TTC7B: variants seen among roughly 807,000 people sequenced by gnomAD.
The protein encoded by TTC7B is tetratricopeptide repeat domain 7B, also known as tetratricopeptide repeat protein 7B.
Under a neutral mutation model 106.8 loss-of-function variants are expected in TTC7B, and 28 were observed. That is an observed-to-expected ratio of 0.26 (90% confidence interval 0.19 to 0.36). TTC7B has a LOEUF of 0.36. Ranked by LOEUF, TTC7B falls within the 10% of genes least tolerant of loss-of-function variation. TTC7B has a pLI of 1.00. For synonymous variants in TTC7B, 405 were observed against 430.6 expected (o/e 0.94, Z 0.74); for missense variants, 862 against 1,076.4 (o/e 0.80, Z 2.79).
At chr14:90,638,323 C>T (rs1235509795) in intron 15 of TTC7B, among the ~76,000 whole-genome samples, 3 of 152,050 alleles carry the variant, frequency 2.0e-5, no homozygotes, top group African/African-American at 7.3e-5. Context: ...GAAAAAAAGT[C>T]ATTATGTATG....
chr14:90,794,664 A>G (rs1891713602), intron 1 of TTC7B, among the ~76,000 whole-genome samples: 1 of 152,146 alleles, frequency 6.6e-6, no homozygotes, highest in African/African-American at 2.4e-5. Flanking sequence ...TGAGCAGGGA[A>G]GTTACAATCT....
chr14:90,626,849 A>G (rs924301323), intron 15 of TTC7B, among the ~76,000 whole-genome samples: 5 of 152,150 alleles, frequency 3.3e-5, no homozygotes, highest in African/African-American at 1.2e-4. Flanking sequence ...AAGAGCATGG[A>G]TGACTCCTCT....
intron 6 of TTC7B, among the ~76,000 whole-genome samples, chr14:90,695,095 A>G (rs1887675180): frequency 7.3e-6 from 1 of 137,914 alleles, no homozygotes; most frequent in Non-Finnish European, 1.5e-5. Context: ...ATTATAAAAT[A>G]TATTTTATTT....
chr14:90,609,232 G>A (rs1196431653), intron 17 of TTC7B, among the ~76,000 whole-genome samples: 1 of 152,194 alleles, frequency 6.6e-6, no homozygotes, highest in African/African-American at 2.4e-5. Flanking sequence ...CCACTCCAGG[G>A]GGTGAGTTTC....
At chr14:90,754,647 G>A (rs576531720) in intron 3 of TTC7B, among the ~76,000 whole-genome samples, 2 of 152,134 alleles carry the variant, frequency 1.3e-5, no homozygotes, top group Non-Finnish European at 2.9e-5. Context: ...GGTGGTTTTA[G>A]TATGTTCACA....
chr14:90,660,417 A>AAAAAG (rs568271088), intron 9 of TTC7B, among the ~76,000 whole-genome samples: 2,670 of 119,202 alleles, frequency 0.022, 79 homozygotes, highest in African/African-American at 0.039. Context: ...AAAAAAAAAA[A>AAAAAG]AAAAGAAAAG....
chr14:90,797,509 C>A (rs751319285), intron 1 of TTC7B, among the ~76,000 whole-genome samples: 1 of 151,408 alleles, frequency 6.6e-6, no homozygotes, highest in Non-Finnish European at 1.5e-5. Flanking sequence ...TCCTCGTTTA[C>A]TGGGCTTCCT....
rs1892370897 is a variant in TTC7B at position 90,600,248 on chromosome 14, A to T, written c.1967-6622T>A. On this transcript the variant is annotated intron_variant, in intron 17 of 19. Transcript: ENST00000328459. The surrounding 1 kb of genome is among the most constrained non-coding windows in gnomAD (Gnocchi z 4.3). ...GTGCCCGGGAGTTAGGACAATTCCC[A>T]TCTTTGCTGTAGGGTAGTCCTGCTT... Among the ~76,000 whole-genome samples the T allele has an allele frequency of 6.6e-6, 1 of 152,146 alleles. No individual in the cohort carries two copies. The highest frequency in any genetic ancestry group is 6.5e-5 in the Admixed American group (1 of 15,270).
intron 1 of TTC7B, among the ~76,000 whole-genome samples, chr14:90,801,262 C>T (rs1051520790): frequency 7.3e-5 from 11 of 151,124 alleles, no homozygotes; most frequent in Non-Finnish European, 1.3e-4. Flanking sequence ...TATGCAGTGC[C>T]GGCAGCCTCT....
At chr14:90,778,859 G>C (rs1220953587) in intron 3 of TTC7B, among the ~76,000 whole-genome samples, 1 of 152,162 alleles carries the variant, frequency 6.6e-6, no homozygotes, top group Non-Finnish European at 1.5e-5. Flanking sequence ...AGTACTCAAG[G>C]GTCCCCAGGG....
rs771825633 is a variant in TTC7B, at chr14:90,528,288, C to T, written c.*13080G>A. 1.3e-5 allele frequency: 2 copies of T among 152,220 alleles called. No homozygotes were observed. Among genetic ancestry groups the T allele is most frequent in the African/African-American group, 2.4e-5 (1 of 41,448 alleles). The allele number at this position is 152,220 out of a possible 1,614,324, so 9.4% of individuals were successfully genotyped here. On this transcript the variant is annotated 3_prime_UTR_variant, in exon 20 of 20. Coordinates refer to ENST00000328459, the MANE Select transcript of TTC7B (RefSeq NM_001010854.2). ...TGGGTTTCAGTGGCTACAGACAACC[C>T]TCCAAATGGTCAGTTAAGAACCAGG...
rs566340851 is a variant in TTC7B, at chr14:90,732,061, G to A, written c.577-1865C>T. 9.9e-5 allele frequency among the ~76,000 whole-genome samples: 15 copies of A among 151,990 alleles called. No homozygotes were observed. In the South Asian group the frequency reaches 1.7e-3, roughly 17 times the overall value. ...TAACCACAGTTAACATTTATTGAAC[G>A]ACAATCCAGATATCTTTGTGGACAC... is the stretch of plus-strand genomic sequence containing the variant. On this transcript the variant is annotated intron_variant, in intron 4 of 19. Transcript: ENST00000328459.
chr14:90,728,282 G>C (rs1303233864), intron 5 of TTC7B, among the ~76,000 whole-genome samples: 1 of 132,136 alleles, frequency 7.6e-6, no homozygotes, highest in Non-Finnish European at 1.5e-5. Context: ...CAGATCCCTT[G>C]AGCTCAGGAG....
At chr14:90,607,162 G>T (rs749931584) in intron 17 of TTC7B, among the ~76,000 whole-genome samples, 9 of 152,078 alleles carry the variant, frequency 5.9e-5, no homozygotes, top group Non-Finnish European at 1.2e-4. Context: ...TTCCATAATA[G>T]AAATTAAAAA....
chr14:90,783,370 C>T (rs776250891), intron 2 of TTC7B, among the ~76,000 whole-genome samples: 16 of 152,106 alleles, frequency 1.1e-4, no homozygotes, highest in East Asian at 1.9e-4. Context: ...AAAAGATGTA[C>T]GGCTTTGGAA....
chr14:90,732,429 G>A (rs1889362080), intron 4 of TTC7B, among the ~76,000 whole-genome samples: 1 of 152,242 alleles, frequency 6.6e-6, no homozygotes, highest in African/African-American at 2.4e-5. Flanking sequence ...CCAAGCTGGA[G>A]GGCAGTGGCA....
chr14:90,756,372 C>CTTTTTTTTTTGT (rs1890294084), intron 3 of TTC7B, among the ~76,000 whole-genome samples: 1 of 139,756 alleles, frequency 7.2e-6, no homozygotes. Flanking sequence ...TTATTTTCTT[C>CTTTTTTTTTTGT]TTTTTTTTTT....
At position 90,808,962 on chromosome 14, in the gene TTC7B, G is replaced by A. The variant is rs1324157525; in HGVS notation, c.121+7213C>T. 6.6e-6 allele frequency among the ~76,000 whole-genome samples: 1 copy of A among 152,224 alleles called. No homozygotes were observed. Among genetic ancestry groups the A allele is most frequent in the African/African-American group, 2.4e-5 (1 of 41,458 alleles). ...CCAGTTAGAACGCCTTCAGCAGCCA[G>A]TAACGACCAAACGCCTGACTCAGTG... is the stretch of plus-strand genomic sequence containing the variant. On this transcript the variant is annotated intron_variant, in intron 1 of 19. Transcript: ENST00000328459. The surrounding 1 kb of genome is among the most constrained non-coding windows in gnomAD (Gnocchi z 4.2).
intron 15 of TTC7B, among the ~76,000 whole-genome samples, chr14:90,643,405 C>T (rs1829618096): frequency 6.7e-6 from 1 of 149,806 alleles, no homozygotes; most frequent in South Asian, 2.1e-4. Flanking sequence ...GATATTCCGT[C>T]TCAAAAAAAA....
Sources: allele counts gnomAD v4.1 joint callset (sites outside exome capture counted in the v4.1 genomes callset), GRCh38; gene constraint gnomAD v4.1.1; non-coding constraint Gnocchi (gnomAD v3.1); transcripts MANE v1.5; gene names NCBI Gene and HGNC (gene_info 2026-07-23, HGNC 2026-07-21).